Variants in PPP2R2A observed in about 807,000 individuals in gnomAD.
PPP2R2A encodes the protein protein phosphatase 2 regulatory subunit Balpha.
In PPP2R2A, 9 loss-of-function variants were observed where a neutral mutation model predicts 53.2. The ratio of observed to expected loss-of-function variants is 0.17; its 90% confidence interval spans 0.10 to 0.30. PPP2R2A has a LOEUF of 0.30. Among genes scored for constraint, PPP2R2A ranks in the 10% least tolerant of loss-of-function variants. PPP2R2A has a pLI of 1.00. For synonymous variants in PPP2R2A, 169 were observed against 174.2 expected (o/e 0.97, Z 0.23); for missense variants, 235 against 534.6 (o/e 0.44, Z 5.53).
intron 3 of PPP2R2A, among the ~76,000 whole-genome samples, chr8:26,353,201 C>A (rs1480205775): frequency 2.0e-5 from 3 of 152,098 alleles, no homozygotes; most frequent in Admixed American, 2.0e-4. Flanking sequence ...GGTGATGAGA[C>A]CAAGGCTCTG....
intron 1 of PPP2R2A, chr8:26,293,432 TG>T (rs1242822912): frequency 2.7e-6 from 2 of 735,458 alleles, no homozygotes; most frequent in African/African-American, 3.6e-5. Context: ...AGATGTTTAA[TG>T]ACCACAGAAC....
chr8:26,291,720 G>A lies in PPP2R2A; in HGVS notation c.-100G>A. The A allele has an allele frequency of 2.7e-6, 1 of 369,824 alleles. No homozygotes were observed. Among genetic ancestry groups the A allele is most frequent in the Non-Finnish European group, 4.3e-6 (1 of 229,932 alleles). 22.9% of individuals were successfully genotyped at this position (369,824 alleles called of 1,614,324 possible). The stretch of plus-strand genomic sequence containing the variant: ...CCTCCCCCCGCAGGTGCCATCCGCC[G>A]CCATCCGCCCTCTCTACCCCCCCAT... On this transcript the variant is annotated 5_prime_UTR_variant, in exon 1 of 10. Transcript: ENST00000380737.
chr8:26,315,777 C>CT (rs1802524670), intron 2 of PPP2R2A, among the ~76,000 whole-genome samples: 1 of 152,066 alleles, frequency 6.6e-6, no homozygotes, highest in Admixed American at 6.5e-5. Context: ...CTTGCGTTTT[C>CT]TTTGTTCTTA....
chr8:26,292,228 C>CT (rs1801333893), intron 1 of PPP2R2A: 1 of 1,054,902 alleles, frequency 9.5e-7, no homozygotes, highest in South Asian at 3.5e-5. Flanking sequence ...TCTATTTTTC[C>CT]CCCTGCTGCA....
At chr8:26,357,291 C>G (rs1009648091) in intron 4 of PPP2R2A, among the ~76,000 whole-genome samples, 1 of 145,812 alleles carries the variant, frequency 6.9e-6, no homozygotes, top group Non-Finnish European at 1.5e-5. Context: ...ACACCCCCCC[C>G]CCCCAATATA....
chr8:26,363,284 CT>C (rs1246600485), intron 7 of PPP2R2A: 1 of 156,742 alleles, frequency 6.4e-6, no homozygotes, highest in African/African-American at 2.4e-5. Flanking sequence ...TGAATATTAA[CT>C]CATGAAAATT....
Position 26,362,206 on chromosome 8 carries a change from T to C in PPP2R2A, c.638-478T>C, listed in dbSNP as rs1314282535. On this transcript the variant is annotated intron_variant, in intron 6 of 9. Transcript: ENST00000380737. The surrounding 1 kb of genome is among the most constrained non-coding windows in gnomAD (Gnocchi z 4.4). ...TGATTGGGTAAATAAAAATATTCTA[T>C]TGAGGCCGGGCACAGTGACTCATGC... is the stretch of plus-strand genomic sequence containing the variant. Among the ~76,000 whole-genome samples the C allele has an allele frequency of 1.3e-5, 2 of 151,562 alleles. No individual in the cohort carries two copies. The highest frequency in any genetic ancestry group is 6.6e-5 in the Admixed American group (1 of 15,218).
Position 26,291,511 on chromosome 8 carries a change from C to G in PPP2R2A, c.-309C>G, listed in dbSNP as rs1344945259. ...CCCCTAGGTGACGTCACTGGCCAGGCCAGCCGGCGCCATTTTGAAAGTGGA... is the reference window on the plus strand; with the variant it reads ...CCCCTAGGTGACGTCACTGGCCAGGGCAGCCGGCGCCATTTTGAAAGTGGA... On this transcript the variant is annotated 5_prime_UTR_variant, in exon 1 of 10. Transcript: ENST00000380737. 8.0e-6 allele frequency: 3 copies of G among 376,820 alleles called. No individual in the cohort carries two copies. Among genetic ancestry groups the G allele is most frequent in the Non-Finnish European group, 1.5e-5 (3 of 204,418 alleles). 23.3% of individuals were successfully genotyped at this position (376,820 alleles called of 1,614,324 possible).
intron 1 of PPP2R2A, 145 bp from the exon 2 acceptor site, chr8:26,293,521 T>G: frequency 1.3e-6 from 1 of 797,654 alleles, no homozygotes; most frequent in Non-Finnish European, 2.0e-6. Flanking sequence ...ACTAACCTCT[T>G]TCCAAACTGG....
intron 2 of PPP2R2A, among the ~76,000 whole-genome samples, chr8:26,326,739 T>G (rs1803106684): frequency 6.6e-6 from 1 of 152,224 alleles, no homozygotes; most frequent in Non-Finnish European, 1.5e-5. Context: ...GGCCACTGAA[T>G]GAGGTGGTTT....
chr8:26,342,163 A>G (rs1370232551), intron 3 of PPP2R2A, among the ~76,000 whole-genome samples: 1 of 152,170 alleles, frequency 6.6e-6, no homozygotes, highest in African/African-American at 2.4e-5. Flanking sequence ...GAATCAGGGC[A>G]CCTAAAGAAA....
chr8:26,353,585 AT>A (rs1804625574), intron 3 of PPP2R2A, among the ~76,000 whole-genome samples: 2 of 152,232 alleles, frequency 1.3e-5, no homozygotes, highest in South Asian at 2.1e-4. Flanking sequence ...AGACTTTCAA[AT>A]TTTTTTATGA....
intron 2 of PPP2R2A, among the ~76,000 whole-genome samples, chr8:26,328,230 C>A (rs1803191384): frequency 6.6e-6 from 1 of 152,052 alleles, no homozygotes; most frequent in African/African-American, 2.4e-5. Flanking sequence ...TGGGTTTAAC[C>A]CTTTGATGTA....
At position 26,362,970 on chromosome 8, in the gene PPP2R2A, T is replaced by C. The variant is rs1805187513; in HGVS notation, c.802+122T>C. 1.1e-6 allele frequency: 1 copy of C among 905,812 alleles called. No individual in the cohort carries two copies. Among genetic ancestry groups the C allele is most frequent in the Non-Finnish European group, 1.6e-6 (1 of 607,324 alleles). 56.1% of individuals were successfully genotyped at this position (905,812 alleles called of 1,614,324 possible). On this transcript the variant is annotated intron_variant, in intron 7 of 9. Transcript: ENST00000380737. This position sits in a 1 kb window ranked among gnomAD's most constrained non-coding sequence, Gnocchi z 4.4. ...TTAAACCCGTGTGTCCAGAGCCACT[T>C]GTACCCTTGGTAATCTGCCTACCTC...
At chr8:26,314,298 G>C (rs1802434102) in intron 2 of PPP2R2A, among the ~76,000 whole-genome samples, 1 of 152,138 alleles carries the variant, frequency 6.6e-6, no homozygotes, top group South Asian at 2.1e-4. Context: ...TTTGCCTTAA[G>C]CTCTATCCCT....
At chr8:26,293,095 C>T (rs1467945925) in intron 1 of PPP2R2A, 22 of 655,576 alleles carry the variant, frequency 3.4e-5, no homozygotes, top group Non-Finnish European at 5.1e-5. Context: ...CTTTGACAGT[C>T]TCTTTAGCAG....
At chr8:26,327,840 G>C (rs961066079) in intron 2 of PPP2R2A, among the ~76,000 whole-genome samples, 1 of 152,184 alleles carries the variant, frequency 6.6e-6, no homozygotes, top group Non-Finnish European at 1.5e-5. Context: ...CAGCTGAGAA[G>C]ATCATGAAAA....
In PPP2R2A at chr8:26,338,020, GATGTCTGTTCT is replaced by G. The variant is rs768834763; in HGVS notation, c.83-869_83-859del. Among the ~76,000 whole-genome samples the G allele has an allele frequency of 6.4e-4, 97 of 152,280 alleles. 1 individual carries two copies. The highest frequency in any genetic ancestry group is 3.4e-3 in the Middle Eastern group (1 of 294). On this transcript the variant is annotated intron_variant, in intron 2 of 9. Transcript: ENST00000380737. This position sits in a 1 kb window ranked among gnomAD's most constrained non-coding sequence, Gnocchi z 4.5. The stretch of plus-strand genomic sequence containing the variant: ...AACAGTGAGCTTCTGTAGACCAGAG[GATGTCTGTTCT>G]TTTATAAAGCTGATTTATTTTAAAT...
intron 2 of PPP2R2A, among the ~76,000 whole-genome samples, chr8:26,299,608 T>C (rs913455566): frequency 6.6e-6 from 1 of 152,180 alleles, no homozygotes; most frequent in Non-Finnish European, 1.5e-5. Flanking sequence ...AAGTAAAAAT[T>C]TGAAAAACAG....
Sources: gnomAD v4.1 joint callset for allele counts (sites outside exome capture counted in the v4.1 genomes callset) on GRCh38, gnomAD v4.1.1 for gene constraint, Gnocchi (gnomAD v3.1) non-coding constraint, MANE v1.5 for transcripts, NCBI Gene and HGNC (gene_info 2026-07-23, HGNC 2026-07-21) for gene names.